The following PCDHGB4 variants were observed in gnomAD, a reference collection of about 807,000 sequenced individuals.
PCDHGB4 encodes protocadherin gamma subfamily B, 4.
A neutral mutation model predicts 60.5 loss-of-function variants in PCDHGB4; 38 were observed. The observed-to-expected ratio is 0.63, with a 90% CI of 0.48 to 0.82. PCDHGB4 has a LOEUF of 0.82. Among genes scored for constraint, PCDHGB4 ranks in the 40% least tolerant of loss-of-function variants. The pLI is 0.00. For synonymous variants in PCDHGB4, 456 were observed against 509.7 expected, an observed-to-expected ratio of 0.89 and a Z score of 1.42; for missense variants, 1,109 against 1,209.6, an observed-to-expected ratio of 0.92 and a Z score of 1.23.
intron 1 of PCDHGB4, chr5:141,415,272 A>G (rs771588742): frequency 1.3e-5 from 21 of 1,614,208 alleles, no homozygotes; most frequent in African/African-American, 9.3e-5. Context: ...ACCTGGTGGT[A>G]GCGGTGGCCG....
At chr5:141,430,638 G>A in intron 1 of PCDHGB4, 1 of 898,338 alleles carries the variant, frequency 1.1e-6, no homozygotes, top group Non-Finnish European at 1.6e-6. Flanking sequence ...CCATCCCTGG[G>A]AGTATGTGGA....
rs1001719735 is a variant in PCDHGB4 at position 141,512,055 on chromosome 5, TGAC to T, written c.*883_*885del. 10 of 152,698 alleles carry T rather than the reference TGAC, an allele frequency of 6.5e-5. No homozygotes were observed. The highest frequency in any genetic ancestry group is 1.4e-4 in the African/African-American group (6 of 41,450). 9.5% of individuals were successfully genotyped at this position (152,698 alleles called of 1,614,324 possible). On this transcript the variant is annotated 3_prime_UTR_variant, in exon 4 of 4. Coordinates refer to ENST00000519479, the MANE Select transcript of PCDHGB4 (RefSeq NM_003736.4). ...GAGGCTCTGTATGTCCTCAGGGGACTGACAACATCCTCCAGATTCCAGCCATAA... is the reference window on the plus strand; with the variant it reads ...GAGGCTCTGTATGTCCTCAGGGGACTAACATCCTCCAGATTCCAGCCATAA...
chr5:141,484,994 G>A (rs1257915410), intron 1 of PCDHGB4: 4 of 610,330 alleles, frequency 6.6e-6, no homozygotes, highest in Non-Finnish European at 1.2e-5. Context: ...GGTGGTGAAA[G>A]GCAGACAAAT....
intron 1 of PCDHGB4, chr5:141,404,658 C>A: frequency 6.2e-7 from 1 of 1,614,198 alleles, no homozygotes; most frequent in Non-Finnish European, 8.5e-7. Flanking sequence ...GCCCTCCCCA[C>A]TGATGGTTCT....
At chr5:141,463,493 G>C (rs2099061978) in intron 1 of PCDHGB4, among the ~76,000 whole-genome samples, 1 of 128,844 alleles carries the variant, frequency 7.8e-6, no homozygotes, top group Admixed American at 9.6e-5. Flanking sequence ...CTGTCACCCA[G>C]GCTGGAGTGA....
At chr5:141,423,549 C>T (rs748764057) in intron 1 of PCDHGB4, 113 of 1,613,568 alleles carry the variant, frequency 7.0e-5, no homozygotes, top group Non-Finnish European at 8.7e-5. Flanking sequence ...TCCCCCAGCC[C>T]AACTATGGGG....
chr5:141,418,063 G>T (rs2015825), intron 1 of PCDHGB4: 734,858 of 1,613,808 alleles, frequency 0.46, 174,471 homozygotes, highest in African/African-American at 0.8. Flanking sequence ...AGCTGCGAGT[G>T]AGCGCGGAGA....
At chr5:141,426,756 G>C in intron 1 of PCDHGB4, 1 of 456,302 alleles carries the variant, frequency 2.2e-6, no homozygotes, top group Non-Finnish European at 4.4e-6. Context: ...ATCTGCTATA[G>C]ATGCAGATGT....
At position 141,491,566 on chromosome 5, in the gene PCDHGB4, A is replaced by G; in HGVS notation, c.2398-3241A>G. Reference sequence around the variant, plus strand: ...AGACTCGCAGAGCCACTGCTACAGGACGTGCTTTTCACCGGCCTCGGACGG... The same window carrying G: ...AGACTCGCAGAGCCACTGCTACAGGGCGTGCTTTTCACCGGCCTCGGACGG... On this transcript the variant is annotated intron_variant, in intron 1 of 3. Transcript: ENST00000519479. This position sits in a 1 kb window ranked among gnomAD's most constrained non-coding sequence, Gnocchi z 6.9. 1 of 1,613,950 alleles carries G rather than the reference A, an allele frequency of 6.2e-7. No individual in the cohort carries two copies.
intron 1 of PCDHGB4, chr5:141,393,901 G>T: frequency 6.2e-7 from 1 of 1,613,894 alleles, no homozygotes; most frequent in Non-Finnish European, 8.5e-7. Context: ...TCTCTTCCCG[G>T]GACAGTAATT....
At chr5:141,418,974 G>A in intron 1 of PCDHGB4, 2 of 1,613,936 alleles carry the variant, frequency 1.2e-6, no homozygotes, top group Non-Finnish European at 1.7e-6. Context: ...TTCAAAACAC[G>A]GGACCAAGAC....
At position 141,491,794 on chromosome 5, in the gene PCDHGB4, TC is replaced by T; in HGVS notation, c.2398-3011del. On this transcript the variant is annotated intron_variant, in intron 1 of 3. Transcript: ENST00000519479. This position sits in a 1 kb window ranked among gnomAD's most constrained non-coding sequence, Gnocchi z 6.9. ...GGGATTGAACTTGCATCCACTCCTC[TC>T]CGGCCGGCTTGGTCGCTGGCTGCGC... is the stretch of plus-strand genomic sequence containing the variant. The T allele has an allele frequency of 6.6e-7, 1 of 1,511,056 alleles. No individual in the cohort carries two copies. The highest frequency in any genetic ancestry group is 8.8e-7 in the Non-Finnish European group (1 of 1,130,146). The allele number at this position is 1,511,056 out of a possible 1,614,324, so 93.6% of individuals were successfully genotyped here.
chr5:141,477,184 C>T lies in PCDHGB4; in HGVS notation c.2398-17623C>T. On this transcript the variant is annotated intron_variant, in intron 1 of 3. Coordinates refer to ENST00000519479, the MANE Select transcript of PCDHGB4 (RefSeq NM_003736.4). The surrounding 1 kb of genome is among the most constrained non-coding windows in gnomAD (Gnocchi z 4.9). ...ACGCCCCGGAGATCACAGTCACCTC[C>T]GTGTACAGCCCAGTACCCGAGGATG... The T allele has an allele frequency of 3.7e-6, 6 of 1,614,178 alleles. No individual in the cohort carries two copies. Among genetic ancestry groups the T allele is most frequent in the Non-Finnish European group, 5.1e-6 (6 of 1,180,032 alleles).
rs1283688342 is a variant in PCDHGB4, at chr5:141,437,688, T to G, written c.2397+47407T>G. On this transcript the variant is annotated intron_variant, in intron 1 of 3. Transcript: ENST00000519479. ...GAGATGTTGATCAAACTGATGAGGCTAAATCTCAAGAAAGAGACACAGTTA... is the reference window on the plus strand; with the variant it reads ...GAGATGTTGATCAAACTGATGAGGCGAAATCTCAAGAAAGAGACACAGTTA... Among the ~76,000 whole-genome samples the G allele has an allele frequency of 4.0e-5, 6 of 151,890 alleles. 1 individual carries two copies. The East Asian group carries it at 1.2e-3, about 29-fold the overall frequency.
At chr5:141,435,004 A>G (rs1481428383) in intron 1 of PCDHGB4, among the ~76,000 whole-genome samples, 1 of 152,096 alleles carries the variant, frequency 6.6e-6, no homozygotes, top group Non-Finnish European at 1.5e-5. Flanking sequence ...AGCTGAATTT[A>G]TCAATGATAA....
At chr5:141,419,201 A>C in intron 1 of PCDHGB4, 1 of 1,613,998 alleles carries the variant, frequency 6.2e-7, no homozygotes, top group South Asian at 1.1e-5. Context: ...CGTCAATGAC[A>C]ACGCGCCGGT....
chr5:141,440,931 C>G (rs2098213287), intron 1 of PCDHGB4: 1 of 152,186 alleles, frequency 6.6e-6, no homozygotes, highest in Non-Finnish European at 1.5e-5. Context: ...GTGAGGGCCA[C>G]CAACCAGGAC....
rs1278035747 is a variant in PCDHGB4 at position 141,389,997 on chromosome 5, A to T, written c.2113A>T (p.Met705Leu). ...GATCTCAGTGCTCTTCCTCGTGGCC[A>T]TGATTCTGGCCATTGCCTTGCGCCT... ...ALISVLFLVAMILAIALRLRR... is the reference protein window; with the variant it reads ...ALISVLFLVALILAIALRLRR... Residue 705 changes from methionine (M) to leucine (L), a missense_variant, in exon 1 of 4, where the codon ATG (methionine) becomes TTG (leucine). Met to Leu is a conservative substitution (Grantham distance 15). This residue lies in a region of PCDHGB4 where 1,068 missense variants were observed against 1,089.9 expected (regional missense o/e 0.98). Transcript: ENST00000519479. 1 of 1,613,962 alleles carries T rather than the reference A, an allele frequency of 6.2e-7. No individual in the cohort carries two copies. The highest frequency in any genetic ancestry group is 8.5e-7 in the Non-Finnish European group (1 of 1,179,882).
chr5:141,410,342 C>T (rs772070270), intron 1 of PCDHGB4: 12 of 1,613,946 alleles, frequency 7.4e-6, no homozygotes, highest in Non-Finnish European at 9.3e-6. Flanking sequence ...CATTGCCTTG[C>T]GCCTGCGACG....
Sources: allele counts gnomAD v4.1 joint callset (sites outside exome capture counted in the v4.1 genomes callset), GRCh38; gene constraint gnomAD v4.1.1; regional missense constraint gnomAD v4.1.1; non-coding constraint Gnocchi (gnomAD v3.1); transcripts MANE v1.5; gene names NCBI Gene and HGNC (gene_info 2026-07-23, HGNC 2026-07-21).